CASP10: variants seen among roughly 807,000 people sequenced by gnomAD.
CASP10 encodes the protein caspase-10.
CASP10 carries 41 observed loss-of-function variants against 48.5 expected under a neutral mutation model. The ratio of observed to expected loss-of-function variants is 0.85; its 90% CI spans 0.66 to 1.10. CASP10 has a LOEUF of 1.10. CASP10 is among the 50% of genes least tolerant of loss of function. The pLI, the probability that CASP10 is intolerant of heterozygous loss-of-function variation, is 0.00. For missense variants in CASP10, 614 were observed against 614.5 expected (o/e 1.00, Z 0.01); for synonymous variants, 232 against 238.4 (o/e 0.97, Z 0.25).
At chr2:201,193,954 A>C (rs1427239164) in intron 4 of CASP10, among the ~76,000 whole-genome samples, 1 of 152,114 alleles carries the variant, frequency 6.6e-6, no homozygotes, top group African/African-American at 2.4e-5. Context: ...ATTGAATGAG[A>C]TAATTTCTGT....
chr2:201,211,687 C>T, intron 9 of CASP10, among the ~76,000 whole-genome samples: 1 of 152,106 alleles, frequency 6.6e-6, no homozygotes, highest in Admixed American at 6.5e-5. Context: ...ACTGGGAGTG[C>T]AGATATCTCT....
intron 9 of CASP10, chr2:201,214,460 G>A (rs1204441897): frequency 6.6e-6 from 1 of 152,118 alleles, no homozygotes; most frequent in Non-Finnish European, 1.5e-5. Flanking sequence ...AGGCTGTTAA[G>A]ATTAGAAGGG....
downstream of CASP10, among the ~76,000 whole-genome samples, chr2:201,222,415 C>A (rs1307912922): frequency 6.6e-6 from 1 of 152,000 alleles, no homozygotes; most frequent in Non-Finnish European, 1.5e-5. Context: ...CAGGGTTTTG[C>A]CATTTTGGCC....
intron 5 of CASP10, among the ~76,000 whole-genome samples, chr2:201,203,333 G>A (rs1945088048): frequency 6.8e-6 from 1 of 146,168 alleles, no homozygotes; most frequent in Non-Finnish European, 1.5e-5. Context: ...TTGAGACAGA[G>A]TCTTGCTCTG....
intron 4 of CASP10, among the ~76,000 whole-genome samples, chr2:201,194,673 CA>C (rs1944727293): frequency 2.0e-5 from 3 of 152,256 alleles, no homozygotes; most frequent in African/African-American, 7.2e-5. Flanking sequence ...AAACATAGGG[CA>C]AGTGGTCATA....
intron 5 of CASP10, among the ~76,000 whole-genome samples, chr2:201,199,783 C>G (rs1944947396): frequency 6.6e-6 from 1 of 152,100 alleles, no homozygotes; most frequent in African/African-American, 2.4e-5. Context: ...CCATGTTGGC[C>G]AGGCTGGTCT....
intron 1 of CASP10, among the ~76,000 whole-genome samples, chr2:201,184,660 A>G (rs1370519603): frequency 1.3e-5 from 2 of 152,198 alleles, no homozygotes; most frequent in African/African-American, 4.8e-5. Flanking sequence ...TTGTTTCTAA[A>G]AATAGCCAAG....
chr2:201,183,559 G>A (rs1344977736), intron 1 of CASP10, among the ~76,000 whole-genome samples: 1 of 152,164 alleles, frequency 6.6e-6, no homozygotes, highest in Non-Finnish European at 1.5e-5. Flanking sequence ...CTAGAGATCA[G>A]AATTGTCAAG....
At chr2:201,195,992 A>G in intron 5 of CASP10, 44 bp downstream of exon 5, 1 of 1,299,074 alleles carries the variant, frequency 7.7e-7, no homozygotes, top group African/African-American at 1.5e-5. Flanking sequence ...AACCGGCTCC[A>G]CCCTCCAACC....
chr2:201,195,086 T>TTATTTG (rs1298164728), intron 4 of CASP10, among the ~76,000 whole-genome samples: 1 of 150,602 alleles, frequency 6.6e-6, no homozygotes, highest in East Asian at 2.0e-4. Flanking sequence ...TTGAGCTTTG[T>TTATTTG]TATTTTTATT....
intron 9 of CASP10, chr2:201,214,241 T>TG (rs1945496549): frequency 6.6e-6 from 1 of 152,210 alleles, no homozygotes; most frequent in African/African-American, 2.4e-5. Flanking sequence ...TGAGGCGTTC[T>TG]GGTTGGTTAC....
intron 1 of CASP10, among the ~76,000 whole-genome samples, chr2:201,184,407 T>C (rs566952717): frequency 8.5e-5 from 13 of 152,246 alleles, no homozygotes; most frequent in African/African-American, 3.1e-4. Flanking sequence ...CACTGGAACC[T>C]CCATCCCCGG....
rs41340947 is a variant in CASP10, at chr2:201,200,595, C to T, written c.685-3135C>T. On this transcript the variant is annotated intron_variant, in intron 5 of 9. Coordinates refer to ENST00000286186, the MANE Select transcript of CASP10 (RefSeq NM_032977.4). ...ACAGAGCCGGGAGAGGCCTGCTCTT[C>T]GGCTCTGCCCTGAACCTCATTCGGC... is the stretch of plus-strand genomic sequence containing the variant. The T allele has an allele frequency of 1.1e-3, 1,631 of 1,546,400 alleles. 14 individuals are homozygous for T. The African/African-American group carries it at 0.019, about 18-fold the overall frequency.
At chr2:201,227,244 G>A (rs1174925302) in intron 9 of CASP10, among the ~76,000 whole-genome samples, 1 of 152,122 alleles carries the variant, frequency 6.6e-6, no homozygotes, top group Non-Finnish European at 1.5e-5. Context: ...CCACCAGATT[G>A]GGTGATTTTT....
Position 201,205,228 on chromosome 2 carries a change from C to CTT in CASP10, c.722-641_722-640dup, listed in dbSNP as rs35121141. 3.8e-3 allele frequency among the ~76,000 whole-genome samples: 521 copies of CTT among 138,848 alleles called. 6 individuals carry two copies. Among genetic ancestry groups the CTT allele is most frequent in the African/African-American group, 0.012 (455 of 37,520 alleles). The allele number at this position is 138,848 out of a possible 152,430, so 91.1% of individuals were successfully genotyped here. ...CCTCTTTTTTCTTTTCTTTTCTTTT[C>CTT]TTTTTTTTTTTTTTGAGACAGGGCC... On this transcript the variant is annotated intron_variant, in intron 6 of 9. Coordinates refer to ENST00000286186, the MANE Select transcript of CASP10 (RefSeq NM_032977.4).
chr2:201,229,086 C>A (rs753400651), exon 10 of CASP10: 24 of 1,613,962 alleles, frequency 1.5e-5, no homozygotes, highest in Non-Finnish European at 1.9e-5. Flanking sequence ...TTTCCTAGTT[C>A]TTTCCAGAGG....
chr2:201,220,319 A>C lies in CASP10; in HGVS notation c.*2578A>C. On this transcript the variant is annotated 3_prime_UTR_variant, in exon 10 of 10. Coordinates refer to ENST00000286186, the MANE Select transcript of CASP10 (RefSeq NM_032977.4). ...AATACAGATAAGACAGCTCTGGCAT[A>C]GAGGGAGGTGGGGGGGTGGGGGAAG... 7.2e-6 allele frequency: 1 copy of C among 138,252 alleles called. No individual in the cohort carries two copies. The highest frequency in any genetic ancestry group is 1.4e-5 in the Non-Finnish European group (1 of 69,720). The allele number at this position is 138,252 out of a possible 1,614,324, so 8.6% of individuals were successfully genotyped here. A position where few individuals can be genotyped will look rare whatever the true frequency, so the allele number is the denominator to read the frequency against.
In CASP10 at chr2:201,220,720, C is replaced by A; in HGVS notation, c.*2979C>A. ...GTCAAGCCACCTTTCATGTTTCTTT[C>A]CTCTTTCTTTAATTCTTACACATGT... On this transcript the variant is annotated 3_prime_UTR_variant, in exon 10 of 10. Coordinates refer to ENST00000286186, the MANE Select transcript of CASP10 (RefSeq NM_032977.4). The A allele has an allele frequency of 1.0e-6, 1 of 983,930 alleles. No individual in the cohort carries two copies. Among genetic ancestry groups the A allele is most frequent in the South Asian group, 4.7e-5 (1 of 21,264 alleles). The allele number at this position is 983,930 out of a possible 1,614,324, so 60.9% of individuals were successfully genotyped here. A position where few individuals can be genotyped will look rare whatever the true frequency, so the allele number is the denominator to read the frequency against.
At chr2:201,229,185 C>A (rs1224888507) in exon 10 of CASP10, 14 of 1,435,602 alleles carry the variant, frequency 9.8e-6, no homozygotes, top group South Asian at 9.2e-5. Flanking sequence ...CACCACCTTG[C>A]GATTCTGCAG....
Sources: allele counts gnomAD v4.1 joint callset (sites outside exome capture counted in the v4.1 genomes callset), GRCh38; gene constraint gnomAD v4.1.1; transcripts MANE v1.5; gene names NCBI Gene and HGNC (gene_info 2026-07-23, HGNC 2026-07-21).